The following ZNF512 variants were observed in gnomAD, a reference collection of about 807,000 sequenced individuals.
ZNF512 encodes zinc finger protein 512.
A neutral mutation model predicts 77.5 loss-of-function variants in ZNF512; 25 were observed. The observed-to-expected ratio is 0.32, with a 90% confidence interval of 0.23 to 0.45. ZNF512 has a LOEUF of 0.45. Ranked by LOEUF, ZNF512 falls within the 20% of genes least tolerant of loss-of-function variation. The pLI, the probability that ZNF512 is intolerant of heterozygous loss-of-function variation, is 1.00. For synonymous variants in ZNF512, 246 were observed against 239.9 expected (o/e 1.03, Z -0.24); for missense variants, 483 against 692.6 (o/e 0.70, Z 3.40).
Position 27,603,153 on chromosome 2 carries a change from G to A in ZNF512, c.782G>A (p.Ser261Asn). ...LRCMRESCSS[S>N]FTSIMGYLYH... is the part of the protein sequence containing the mutation. ...TCCTCTGTTCAGAGTTGCTCCAGTAGCTTCACCAGCATCATGGGATATCTC... is the reference window on the plus strand; with the variant it reads ...TCCTCTGTTCAGAGTTGCTCCAGTAACTTCACCAGCATCATGGGATATCTC... Residue 261 changes from serine (S) to asparagine (N), a missense_variant, in exon 9 of 14, where the codon AGC (serine) becomes AAC (asparagine). Ser to Asn is a conservative substitution (Grantham distance 46). Coordinates refer to ENST00000355467, the MANE Select transcript of ZNF512 (RefSeq NM_032434.4). 1 of 1,614,120 alleles carries A rather than the reference G, an allele frequency of 6.2e-7. No homozygotes were observed. The highest frequency in any genetic ancestry group is 2.2e-5 in the East Asian group (1 of 44,876).
chr2:27,600,976 C>G (rs1048385445), intron 6 of ZNF512, among the ~76,000 whole-genome samples, 161 bp downstream of exon 6: 2 of 152,212 alleles, frequency 1.3e-5, no homozygotes, highest in African/African-American at 4.8e-5. Flanking sequence ...TGAATCTTCT[C>G]TTAGCCACAT....
At chr2:27,603,573 A>AGTGTGTGTATGTGTGTGTGTGTGT (rs1672218846) in intron 9 of ZNF512, among the ~76,000 whole-genome samples, 1 of 133,176 alleles carries the variant, frequency 7.5e-6, no homozygotes, top group East Asian at 2.1e-4. Flanking sequence ...ATTTTTATAT[A>AGTGTGTGTATGTGTGTGTGTGTGT]GTGTGTGTGT....
Position 27,621,670 on chromosome 2 carries a change from G to A in ZNF512, c.*209G>A, listed in dbSNP as rs1242060068. The A allele has an allele frequency of 3.1e-5, 16 of 523,802 alleles. No individual in the cohort carries two copies. Among genetic ancestry groups the A allele is most frequent in the East Asian group, 1.4e-4 (4 of 28,350 alleles). The allele number at this position is 523,802 out of a possible 1,614,324, so 32.4% of individuals were successfully genotyped here. On this transcript the variant is annotated 3_prime_UTR_variant, in exon 14 of 14. Transcript: ENST00000355467. ...TTAGTAGGTTTTCCTGCTATTCCTC[G>A]TCAAGTCCTCTTGTTTTTTTATCTT...
At chr2:27,596,523 C>T (rs144595364) in intron 2 of ZNF512, among the ~76,000 whole-genome samples, 1,623 of 152,310 alleles carry the variant, frequency 0.011, 15 homozygotes, top group Non-Finnish European at 0.015. Flanking sequence ...GCCTATGCTG[C>T]TCTGCAAGTG....
rs774119706 is a variant in ZNF512, at chr2:27,602,582, A to T, written c.768+21A>T. On this transcript the variant is annotated intron_variant, in intron 8 of 13. Transcript: ENST00000355467. Reference sequence around the variant, plus strand: ...GTGAGGTAAGGGCCCAAGGACAGCAATTCCTTCTGCCTGAATTCTCAGGTC... The same window carrying T: ...GTGAGGTAAGGGCCCAAGGACAGCATTTCCTTCTGCCTGAATTCTCAGGTC... 4.4e-6 allele frequency: 7 copies of T among 1,588,670 alleles called. No individual in the cohort carries two copies. The African/African-American group carries it at 9.5e-5, about 22-fold the overall frequency.
At chr2:27,587,414 T>A (rs1671383624) in intron 2 of ZNF512, among the ~76,000 whole-genome samples, 3 of 151,844 alleles carry the variant, frequency 2.0e-5, no homozygotes, top group African/African-American at 7.3e-5. Context: ...GTAGCTGGGA[T>A]TACCGGTGTG....
chr2:27,592,385 G>A (rs866697554), intron 2 of ZNF512, among the ~76,000 whole-genome samples: 32 of 150,836 alleles, frequency 2.1e-4, no homozygotes, highest in Middle Eastern at 3.4e-3. Flanking sequence ...GCATGATCTC[G>A]GCTCACTGCA....
At chr2:27,600,576 G>C in intron 5 of ZNF512, 115 bp from the exon 6 acceptor site, 1 of 1,263,106 alleles carries the variant, frequency 7.9e-7, no homozygotes, top group Non-Finnish European at 1.1e-6. Context: ...CTTCATCGCA[G>C]TCTACCAGGA....
intron 10 of ZNF512, among the ~76,000 whole-genome samples, 182 bp from the exon 11 acceptor site, chr2:27,614,986 A>G (rs1465308339): frequency 1.3e-5 from 2 of 152,154 alleles, no homozygotes; most frequent in African/African-American, 4.8e-5. Flanking sequence ...TCTAAGACAA[A>G]CAATAGACCA....
rs561225743 is a variant in ZNF512 at position 27,621,653 on chromosome 2, T to G, written c.*192T>G. 3.3e-6 allele frequency: 2 copies of G among 602,078 alleles called. No individual in the cohort carries two copies. Among genetic ancestry groups the G allele is most frequent in the Non-Finnish European group, 5.5e-6 (2 of 360,484 alleles). The allele number at this position is 602,078 out of a possible 1,614,324, so 37.3% of individuals were successfully genotyped here. A position where few individuals can be genotyped will look rare whatever the true frequency, so the allele number is the denominator to read the frequency against. On this transcript the variant is annotated 3_prime_UTR_variant, in exon 14 of 14. Coordinates refer to ENST00000355467, the MANE Select transcript of ZNF512 (RefSeq NM_032434.4). ...GATTCCCCCCTCCCCTTTTAGTAGGTTTTCCTGCTATTCCTCGTCAAGTCC... is the reference window on the plus strand; with the variant it reads ...GATTCCCCCCTCCCCTTTTAGTAGGGTTTCCTGCTATTCCTCGTCAAGTCC...
intron 9 of ZNF512, among the ~76,000 whole-genome samples, chr2:27,606,008 G>T (rs898491369): frequency 1.3e-5 from 2 of 152,128 alleles, no homozygotes; most frequent in Non-Finnish European, 2.9e-5. Context: ...CATTCTAATA[G>T]GTACGTAGTA....
At chr2:27,593,193 T>G (rs939442717) in intron 2 of ZNF512, among the ~76,000 whole-genome samples, 1 of 122,008 alleles carries the variant, frequency 8.2e-6, no homozygotes, top group Admixed American at 9.4e-5. Flanking sequence ...AGACCCTGTC[T>G]CTACACACAC....
At position 27,600,748 on chromosome 2, in the gene ZNF512, C is replaced by T; in HGVS notation, c.515C>T (p.Pro172Leu). ...GTTGATAAAGGCAGTGTCTCCTGCC[C>T]TACCTGCCAGGCAGTGGGGAGGAAG... Reference protein sequence around the residue: ...EIVDKGSVSCPTCQAVGRKTI... With the variant: ...EIVDKGSVSCLTCQAVGRKTI... The change falls in exon 6 of 14, where the codon CCT becomes CTT. Residue 172 changes from proline to leucine, a missense_variant. Physicochemically the swap from Pro to Leu is moderately conservative, Grantham distance 98. This residue lies in a region of ZNF512 where 324 missense variants were observed against 525.0 expected (regional missense o/e 0.62). Transcript: ENST00000355467. 6.2e-7 allele frequency: 1 copy of T among 1,613,974 alleles called. No individual in the cohort carries two copies. The highest frequency in any genetic ancestry group is 8.5e-7 in the Non-Finnish European group (1 of 1,179,898).
At chr2:27,600,567 T>C (rs1672074679) in intron 5 of ZNF512, 124 bp from the exon 6 acceptor site, 3 of 1,141,322 alleles carry the variant, frequency 2.6e-6, no homozygotes, top group Non-Finnish European at 2.5e-6. Context: ...CAAGAGCCTC[T>C]TCATCGCAGT....
At chr2:27,608,271 C>T (rs1338448169) in intron 10 of ZNF512, among the ~76,000 whole-genome samples, 1 of 152,106 alleles carries the variant, frequency 6.6e-6, no homozygotes, top group Non-Finnish European at 1.5e-5. Flanking sequence ...GGACTACTTC[C>T]AGAGGGAACC....
chr2:27,616,673 G>A (rs958363864), intron 12 of ZNF512, among the ~76,000 whole-genome samples: 3 of 152,140 alleles, frequency 2.0e-5, no homozygotes, highest in Non-Finnish European at 4.4e-5. Context: ...CTAAAACTTT[G>A]TAGAATCACC....
At chr2:27,600,661 T>G in intron 5 of ZNF512, 30 bp from the exon 6 acceptor site, 1 of 1,605,252 alleles carries the variant, frequency 6.2e-7, no homozygotes, top group Non-Finnish European at 8.5e-7. Flanking sequence ...ATACTGCAGA[T>G]TACAAAGTGT....
chr2:27,620,903 A>G (rs964603659), intron 13 of ZNF512, among the ~76,000 whole-genome samples: 12 of 152,200 alleles, frequency 7.9e-5, no homozygotes, highest in African/African-American at 1.9e-4. Flanking sequence ...GGATGATGCT[A>G]AGTAAACAGA....
At chr2:27,609,278 C>A (rs1036494732) in intron 10 of ZNF512, among the ~76,000 whole-genome samples, 10 of 152,128 alleles carry the variant, frequency 6.6e-5, no homozygotes, top group African/African-American at 2.2e-4. Flanking sequence ...AGTATACTTT[C>A]TTGTTTTGGA....
Sources: gnomAD v4.1 joint callset for allele counts (sites outside exome capture counted in the v4.1 genomes callset) on GRCh38, gnomAD v4.1.1 for gene constraint, gnomAD v4.1.1 regional missense constraint, MANE v1.5 for transcripts, NCBI Gene and HGNC (gene_info 2026-07-23, HGNC 2026-07-21) for gene names.